The following TRPC3 variants were observed in gnomAD, a reference collection of about 807,000 sequenced individuals.
TRPC3 encodes the protein transient receptor potential cation channel subfamily C member 3.
A neutral mutation model predicts 90.9 loss-of-function variants in TRPC3; 54 were observed. The ratio of observed to expected loss-of-function variants is 0.59; its 90% CI spans 0.48 to 0.75. TRPC3 has a LOEUF of 0.75. Ranked by LOEUF, TRPC3 falls within the 30% of genes least tolerant of loss-of-function variation. The pLI is 0.00. For missense variants in TRPC3, 918 were observed against 1,194.5 expected (o/e 0.77, Z 3.41); for synonymous variants, 424 against 450.9 (o/e 0.94, Z 0.75).
At chr4:121,885,208 G>A (rs541099757) in intron 10 of TRPC3, among the ~76,000 whole-genome samples, 3 of 152,298 alleles carry the variant, frequency 2.0e-5, no homozygotes, top group African/African-American at 7.2e-5. Context: ...GATAGTTCAT[G>A]AGAATTCTAA....
intron 3 of TRPC3, among the ~76,000 whole-genome samples, chr4:121,924,683 G>A (rs112876118): frequency 0.019 from 2,832 of 152,250 alleles, 44 homozygotes; most frequent in Middle Eastern, 0.071. Flanking sequence ...TGGAACTACA[G>A]GCACGTGCCA....
chr4:121,930,137 G>A (rs1369311005), intron 2 of TRPC3, among the ~76,000 whole-genome samples: 2 of 152,088 alleles, frequency 1.3e-5, no homozygotes, highest in African/African-American at 4.8e-5. Context: ...GAATAACAAG[G>A]ACAGGTAAAA....
intron 10 of TRPC3, among the ~76,000 whole-genome samples, chr4:121,884,377 G>A (rs1441909348): frequency 6.6e-6 from 1 of 152,134 alleles, no homozygotes; most frequent in African/African-American, 2.4e-5. Flanking sequence ...TATAAGTAGA[G>A]GCAATGGACG....
chr4:121,929,451 G>T (rs1454352112), intron 2 of TRPC3, among the ~76,000 whole-genome samples: 2 of 152,140 alleles, frequency 1.3e-5, no homozygotes, highest in Non-Finnish European at 2.9e-5. Context: ...ATTTCAGTTT[G>T]CGTCCTCACA....
chr4:121,951,412 C>T lies in TRPC3; in HGVS notation c.215+54G>A. ...GCCGCCCGGCGCGCGCCTTCCCGCC[C>T]CCCGCCCGGCACCGCCCTCCGAGGC... On this transcript the variant is annotated intron_variant, in intron 1 of 11. Transcript: ENST00000379645. The surrounding 1 kb of genome is among the most constrained non-coding windows in gnomAD (Gnocchi z 4.4). 4 of 1,137,394 alleles carry T rather than the reference C, an allele frequency of 3.5e-6. No homozygotes were observed. Among genetic ancestry groups the T allele is most frequent in the African/African-American group, 1.6e-5 (1 of 61,062 alleles). The allele number at this position is 1,137,394 out of a possible 1,614,324, so 70.5% of individuals were successfully genotyped here.
intron 1 of TRPC3, among the ~76,000 whole-genome samples, chr4:121,937,355 T>A (rs1313842968): frequency 6.6e-6 from 1 of 152,248 alleles, no homozygotes; most frequent in African/African-American, 2.4e-5. Flanking sequence ...GTCACTCTGG[T>A]CCTGCCAAAA....
chr4:121,882,258 C>T (rs954510100), intron 11 of TRPC3, 96 bp downstream of exon 11: 7 of 1,074,278 alleles, frequency 6.5e-6, no homozygotes, highest in East Asian at 2.6e-5. Context: ...CAAACTATAA[C>T]CTGGGATTGG....
intron 1 of TRPC3, among the ~76,000 whole-genome samples, chr4:121,938,457 A>G (rs919294494): frequency 3.9e-5 from 6 of 152,238 alleles, no homozygotes; most frequent in Non-Finnish European, 7.3e-5. Flanking sequence ...TCTCATTGCC[A>G]GCACCAGCCT....
intron 1 of TRPC3, among the ~76,000 whole-genome samples, chr4:121,950,355 G>A (rs1275706034): frequency 4.6e-5 from 7 of 152,206 alleles, no homozygotes; most frequent in Non-Finnish European, 8.8e-5. Flanking sequence ...GCCGGCAGCA[G>A]GGGGCGCTGC....
At chr4:121,882,964 GTA>G (rs1727993945) in intron 10 of TRPC3, among the ~76,000 whole-genome samples, 1 of 151,820 alleles carries the variant, frequency 6.6e-6, no homozygotes, top group African/African-American at 2.4e-5. Flanking sequence ...ATTACTGTAA[GTA>G]TTATATTTTA....
chr4:121,945,383 C>G (rs1730448178), intron 1 of TRPC3, among the ~76,000 whole-genome samples: 1 of 152,168 alleles, frequency 6.6e-6, no homozygotes, highest in East Asian at 1.9e-4. Context: ...GGAATTGCAA[C>G]ACAAATTTCA....
At position 121,875,660 on chromosome 4, in the gene TRPC3, T is replaced by G. The variant is rs964651243; in HGVS notation, c.*4076A>C. Among the ~76,000 whole-genome samples the G allele has an allele frequency of 7.8e-6, 1 of 128,538 alleles. No individual in the cohort carries two copies. Among genetic ancestry groups the G allele is most frequent in the Non-Finnish European group, 1.9e-5 (1 of 52,188 alleles). The allele number at this position is 128,538 out of a possible 152,430, so 84.3% of individuals were successfully genotyped here. A position where few individuals can be genotyped will look rare whatever the true frequency, so the allele number is the denominator to read the frequency against. On this transcript the variant is annotated 3_prime_UTR_variant, in exon 12 of 12. Transcript: ENST00000379645. ...CCATGCACCTCAGTAATTTATAACC[T>G]TATGTTATGGTGCTAAAGCAACCAT...
chr4:121,918,376 A>C (rs961361091), intron 3 of TRPC3, among the ~76,000 whole-genome samples: 1 of 152,200 alleles, frequency 6.6e-6, no homozygotes, highest in Non-Finnish European at 1.5e-5. Context: ...TGAGGACAGA[A>C]ATATTAATGT....
At chr4:121,946,921 G>T (rs1730508993) in intron 1 of TRPC3, among the ~76,000 whole-genome samples, 1 of 152,252 alleles carries the variant, frequency 6.6e-6, no homozygotes, top group East Asian at 1.9e-4. Context: ...AGTGGTTCAT[G>T]CCTATAATCA....
At position 121,924,805 on chromosome 4, in the gene TRPC3, G is replaced by T. The variant is rs149372275; in HGVS notation, c.1176+213C>A. On this transcript the variant is annotated intron_variant, in intron 3 of 11. Coordinates refer to ENST00000379645, the MANE Select transcript of TRPC3 (RefSeq NM_001130698.2). ...TCCTCCTGCTTCAGCCTCCCAAAGC[G>T]CTGGGATTACAGGCCCCAAAGTGCT... 2.9e-3 allele frequency among the ~76,000 whole-genome samples: 437 copies of T among 152,222 alleles called. 1 individual carries two copies. The highest frequency in any genetic ancestry group is 3.5e-3 in the Non-Finnish European group (238 of 67,998).
chr4:121,918,214 A>C (rs748417326), intron 3 of TRPC3, among the ~76,000 whole-genome samples: 17 of 152,304 alleles, frequency 1.1e-4, no homozygotes, highest in Non-Finnish European at 2.1e-4. Context: ...TCACCAGACT[A>C]CCAAACCTGC....
At chr4:121,892,789 T>C (rs1160351409) in intron 10 of TRPC3, among the ~76,000 whole-genome samples, 1 of 152,102 alleles carries the variant, frequency 6.6e-6, no homozygotes, top group Non-Finnish European at 1.5e-5. Context: ...AAAATAAAGA[T>C]ACCAGCAGAC....
Position 121,876,119 on chromosome 4 carries a change from G to A in TRPC3, c.*3617C>T, listed in dbSNP as rs1025089504. Among the ~76,000 whole-genome samples the A allele has an allele frequency of 5.9e-5, 9 of 151,534 alleles. No individual in the cohort carries two copies. The East Asian group carries it at 9.7e-4, about 16-fold the overall frequency. ...TTCACCATGTTGCCCTGCTGGTCTC[G>A]AACTCCTGAACTGAAGCCATCGACC... On this transcript the variant is annotated 3_prime_UTR_variant, in exon 12 of 12. Coordinates refer to ENST00000379645, the MANE Select transcript of TRPC3 (RefSeq NM_001130698.2).
At chr4:121,906,240 T>C (rs886706229) in intron 7 of TRPC3, among the ~76,000 whole-genome samples, 2 of 152,138 alleles carry the variant, frequency 1.3e-5, no homozygotes, top group Non-Finnish European at 1.5e-5. Context: ...ACAGCAGAGA[T>C]TGCATTCAAA....
Sources: allele counts gnomAD v4.1 joint callset (sites outside exome capture counted in the v4.1 genomes callset), GRCh38; gene constraint gnomAD v4.1.1; non-coding constraint Gnocchi (gnomAD v3.1); transcripts MANE v1.5; gene names NCBI Gene and HGNC (gene_info 2026-07-23, HGNC 2026-07-21).